The following PTN variants were observed in gnomAD, a reference collection of about 807,000 sequenced individuals.
PTN encodes the protein heparin affin regulatory protein.
A neutral mutation model predicts 24.1 loss-of-function variants in PTN; 18 were observed. The observed-to-expected ratio is 0.75, with a 90% CI of 0.52 to 1.11. PTN has a LOEUF of 1.11. Among genes scored for constraint, PTN ranks in the 50% least tolerant of loss-of-function variants. The probability of loss-of-function intolerance (pLI) is 0.00; values close to 1 mark genes in which losing one functional copy is unlikely to be tolerated. For synonymous variants in PTN, 78 were observed against 68.6 expected (o/e 1.14, Z -0.67); for missense variants, 163 against 198.8 (o/e 0.82, Z 1.08).
intron 1 of PTN, among the ~76,000 whole-genome samples, chr7:137,261,556 T>C (rs929215270): frequency 6.6e-6 from 1 of 152,176 alleles, no homozygotes; most frequent in African/African-American, 2.4e-5. Context: ...AGGGAAAATT[T>C]CCCCTTTGCC....
intron 1 of PTN, among the ~76,000 whole-genome samples, chr7:137,324,433 A>AATATATATATATATATATATATATAT (rs71176396): frequency 5.6e-5 from 5 of 88,672 alleles, no homozygotes; most frequent in Admixed American, 3.0e-4. Context: ...AAAAAAAAAA[A>AATATATATATATATATATATATATAT]ATATATATAT....
intron 1 of PTN, among the ~76,000 whole-genome samples, chr7:137,330,854 A>G (rs994966651): frequency 1.3e-5 from 2 of 152,202 alleles, no homozygotes; most frequent in African/African-American, 4.8e-5. Context: ...TGGAAAACAA[A>G]GAAGGCAAAT....
At chr7:137,278,051 T>C (rs936247103) in intron 1 of PTN, among the ~76,000 whole-genome samples, 3 of 151,924 alleles carry the variant, frequency 2.0e-5, no homozygotes, top group Admixed American at 2.0e-4. Flanking sequence ...CTCACGCCTG[T>C]AATCCCAGCA....
intron 1 of PTN, among the ~76,000 whole-genome samples, chr7:137,307,974 T>G (rs759471096): frequency 6.6e-6 from 1 of 152,146 alleles, no homozygotes; most frequent in Non-Finnish European, 1.5e-5. Context: ...GAGAAACAGC[T>G]TCATCTGTTC....
At chr7:137,228,562 T>A (rs1224831956) in intron 4 of PTN, among the ~76,000 whole-genome samples, 1 of 151,722 alleles carries the variant, frequency 6.6e-6, no homozygotes, top group African/African-American at 2.4e-5. Context: ...AATTGCAAAG[T>A]GGTTCCACTC....
At chr7:137,315,131 G>A (rs1416603507) in intron 1 of PTN, among the ~76,000 whole-genome samples, 3 of 152,054 alleles carry the variant, frequency 2.0e-5, no homozygotes, top group Non-Finnish European at 4.4e-5. Flanking sequence ...GACGGTGATG[G>A]GCTCGTTGCC....
At chr7:137,311,209 G>C (rs1809975843) in intron 1 of PTN, among the ~76,000 whole-genome samples, 1 of 146,454 alleles carries the variant, frequency 6.8e-6, no homozygotes, top group Non-Finnish European at 1.5e-5. Context: ...ACCAGCCTGG[G>C]TGACAGAGGG....
At chr7:137,316,275 C>T (rs1371370898) in intron 1 of PTN, among the ~76,000 whole-genome samples, 1 of 152,184 alleles carries the variant, frequency 6.6e-6, no homozygotes, top group Non-Finnish European at 1.5e-5. Flanking sequence ...GGACCCTGAA[C>T]TCAAACTGCC....
intron 1 of PTN, among the ~76,000 whole-genome samples, chr7:137,303,231 C>T (rs1809834155): frequency 6.6e-6 from 1 of 151,752 alleles, no homozygotes; most frequent in Non-Finnish European, 1.5e-5. Context: ...GTTATGAGAC[C>T]CAGCAAGAAA....
chr7:137,258,903 T>C (rs1272528754), intron 1 of PTN, among the ~76,000 whole-genome samples: 1 of 152,116 alleles, frequency 6.6e-6, no homozygotes, highest in Non-Finnish European at 1.5e-5. Flanking sequence ...GTGGCATATT[T>C]TTTTTAATCT....
intron 1 of PTN, among the ~76,000 whole-genome samples, chr7:137,294,168 TTTA>T (rs1449467450): frequency 6.6e-6 from 1 of 152,124 alleles, no homozygotes; most frequent in Non-Finnish European, 1.5e-5. Context: ...CTGATTTCTT[TTTA>T]TTATTGTTGT....
At chr7:137,242,036 G>A (rs2128869344) in intron 4 of PTN, among the ~76,000 whole-genome samples, 1 of 152,282 alleles carries the variant, frequency 6.6e-6, no homozygotes, top group South Asian at 2.1e-4. Flanking sequence ...TCAGAGCCCA[G>A]AACATAGACA....
chr7:137,306,778 T>C (rs1809896052), intron 1 of PTN, among the ~76,000 whole-genome samples: 1 of 152,138 alleles, frequency 6.6e-6, no homozygotes, highest in Non-Finnish European at 1.5e-5. Context: ...CAAAATAAAA[T>C]CTGACTTACT....
At chr7:137,334,361 C>A (rs1182522820) in intron 1 of PTN, among the ~76,000 whole-genome samples, 1 of 29,246 alleles carries the variant, frequency 3.4e-5, no homozygotes, top group Non-Finnish European at 1.0e-4. Flanking sequence ...TAACAAACAA[C>A]CCCATCAAAA....
chr7:137,308,498 C>T (rs1232724153), intron 1 of PTN, among the ~76,000 whole-genome samples: 2 of 152,122 alleles, frequency 1.3e-5, no homozygotes, highest in African/African-American at 4.8e-5. Context: ...AGGGATTATC[C>T]ATCTACTTTC....
chr7:137,248,871 AATC>A (rs1795654863), intron 4 of PTN, among the ~76,000 whole-genome samples: 1 of 152,194 alleles, frequency 6.6e-6, no homozygotes, highest in Non-Finnish European at 1.5e-5. Context: ...CACTCATAGT[AATC>A]ATATTTTCAA....
chr7:137,258,530 GA>G (rs1280433375), intron 1 of PTN, among the ~76,000 whole-genome samples: 4 of 152,040 alleles, frequency 2.6e-5, no homozygotes, highest in Non-Finnish European at 1.5e-5. Context: ...CCTATATTTT[GA>G]GAGCTTAGAT....
intron 1 of PTN, among the ~76,000 whole-genome samples, chr7:137,255,894 G>A (rs1258347043): frequency 6.6e-6 from 1 of 152,172 alleles, no homozygotes; most frequent in Non-Finnish European, 1.5e-5. Context: ...CAGTTATTGA[G>A]CTCCATCTGC....
At chr7:137,317,194 C>T (rs1810087074) in intron 1 of PTN, among the ~76,000 whole-genome samples, 1 of 152,162 alleles carries the variant, frequency 6.6e-6, no homozygotes, top group South Asian at 2.1e-4. Flanking sequence ...CAGGGGCTGG[C>T]CATTCAGATG....
Sources: gnomAD v4.1 joint callset for allele counts (sites outside exome capture counted in the v4.1 genomes callset) on GRCh38, gnomAD v4.1.1 for gene constraint, MANE v1.5 for transcripts, NCBI Gene and HGNC (gene_info 2026-07-23, HGNC 2026-07-21) for gene names.